Variants in PARN observed in about 807,000 individuals in gnomAD.
PARN encodes poly(A)-specific ribonuclease.
In PARN, 71 loss-of-function variants were observed where a neutral mutation model predicts 102.8. The observed-to-expected ratio is 0.69, with a 90% confidence interval of 0.57 to 0.84. PARN has a LOEUF of 0.84. Ranked by LOEUF, PARN falls within the 40% of genes least tolerant of loss-of-function variation. The pLI is 0.00. For missense variants in PARN, 782 were observed against 760.9 expected, an observed-to-expected ratio of 1.03 and a Z score of -0.33; for synonymous variants, 261 against 252.9, an observed-to-expected ratio of 1.03 and a Z score of -0.30.
intron 21 of PARN, among the ~76,000 whole-genome samples, chr16:14,544,947 G>A (rs1440800754): frequency 6.6e-6 from 1 of 152,206 alleles, no homozygotes; most frequent in Non-Finnish European, 1.5e-5. Context: ...GGCACTTTGG[G>A]AGGCTGAGGT....
chr16:14,547,125 G>A (rs1967001979), intron 21 of PARN, among the ~76,000 whole-genome samples: 1 of 151,526 alleles, frequency 6.6e-6, no homozygotes, highest in Non-Finnish European at 1.5e-5. Context: ...AAGATTTCCT[G>A]CTTGACTACT....
At chr16:14,581,529 C>A (rs1969533605) in intron 17 of PARN, among the ~76,000 whole-genome samples, 1 of 152,050 alleles carries the variant, frequency 6.6e-6, no homozygotes, top group South Asian at 2.1e-4. Context: ...TTGTGTCCCC[C>A]TAAAATTCAT....
chr16:14,609,659 CT>C (rs1302587962), intron 7 of PARN, among the ~76,000 whole-genome samples: 1 of 152,214 alleles, frequency 6.6e-6, no homozygotes, highest in Non-Finnish European at 1.5e-5. Flanking sequence ...GTGACAACTT[CT>C]CAAGGACTCG....
intron 22 of PARN, among the ~76,000 whole-genome samples, chr16:14,479,414 C>T (rs1438401968): frequency 6.6e-6 from 1 of 151,128 alleles, no homozygotes; most frequent in Admixed American, 6.6e-5. Flanking sequence ...GAGTGAGACC[C>T]CCATCTCTAT....
chr16:14,441,039 A>G (rs1567280901), intron 23 of PARN, among the ~76,000 whole-genome samples: 1 of 152,222 alleles, frequency 6.6e-6, no homozygotes, highest in Non-Finnish European at 1.5e-5. Flanking sequence ...CTGGCGCAAG[A>G]TATTAAAAAC....
At chr16:14,498,511 C>G (rs1426512606) in intron 21 of PARN, among the ~76,000 whole-genome samples, 1 of 152,156 alleles carries the variant, frequency 6.6e-6, no homozygotes, top group Non-Finnish European at 1.5e-5. Flanking sequence ...CCTCTTCCCA[C>G]CTGCTAGCCC....
intron 23 of PARN, among the ~76,000 whole-genome samples, chr16:14,441,029 C>T (rs1035981757): frequency 6.6e-5 from 10 of 152,038 alleles, no homozygotes; most frequent in African/African-American, 2.4e-4. Flanking sequence ...TGAAGCTGAC[C>T]TGGCGCAAGA....
intron 22 of PARN, among the ~76,000 whole-genome samples, chr16:14,466,642 A>G (rs1567297665): frequency 1.3e-5 from 2 of 152,226 alleles, no homozygotes; most frequent in Non-Finnish European, 2.9e-5. Context: ...AAAAGAATAC[A>G]TTACATTTCT....
chr16:14,583,188 C>A (rs938552631), intron 16 of PARN, among the ~76,000 whole-genome samples: 1 of 152,146 alleles, frequency 6.6e-6, no homozygotes, highest in African/African-American at 2.4e-5. Context: ...AGAGGAATGA[C>A]CTGCTTTAGA....
intron 12 of PARN, among the ~76,000 whole-genome samples, chr16:14,594,456 G>A (rs989693845): frequency 6.6e-6 from 1 of 152,108 alleles, no homozygotes; most frequent in Non-Finnish European, 1.5e-5. Context: ...GCTCACACCT[G>A]TTAATCCCAG....
intron 21 of PARN, 150 bp from the exon 22 acceptor site, chr16:14,482,977 C>G (rs1375773310): frequency 1.8e-6 from 1 of 568,614 alleles, no homozygotes; most frequent in Non-Finnish European, 3.0e-6. Flanking sequence ...AGACAAATGA[C>G]CTTGGGTACA....
At chr16:14,577,181 G>C (rs1969196341) in intron 18 of PARN, among the ~76,000 whole-genome samples, 1 of 152,100 alleles carries the variant, frequency 6.6e-6, no homozygotes, top group Non-Finnish European at 1.5e-5. Context: ...AGAAAAGACT[G>C]GTGTCAAAAT....
intron 21 of PARN, among the ~76,000 whole-genome samples, chr16:14,542,788 CAAAG>C (rs1355750793): frequency 2.6e-5 from 4 of 151,648 alleles, no homozygotes; most frequent in Non-Finnish European, 4.4e-5. Context: ...CTGAAGAAGA[CAAAG>C]AAACGAACAC....
chr16:14,548,518 G>A (rs146019907), intron 21 of PARN, among the ~76,000 whole-genome samples: 3 of 152,166 alleles, frequency 2.0e-5, no homozygotes, highest in African/African-American at 4.8e-5. Context: ...ACCACTTTAC[G>A]CACTAAAAAC....
At chr16:14,629,743 G>A in intron 1 of PARN, 69 bp from the exon 2 acceptor site, 1 of 1,170,954 alleles carries the variant, frequency 8.5e-7, no homozygotes, top group South Asian at 1.2e-5. Context: ...AGGGAAGGAG[G>A]GCCGAGGAGC....
At chr16:14,527,810 A>C (rs948154297) in intron 21 of PARN, among the ~76,000 whole-genome samples, 9 of 152,264 alleles carry the variant, frequency 5.9e-5, no homozygotes, top group Non-Finnish European at 8.8e-5. Context: ...TCAACAGCAA[A>C]ATCACTAATA....
In PARN at chr16:14,511,809, T is replaced by C. The variant is rs536404501; in HGVS notation, c.1481-28982A>G. The stretch of plus-strand genomic sequence containing the variant: ...TCGAACTCCTGGCCTCAAGCAATCC[T>C]CCTGCCTCAGCCTCCCAAGTAGCTG... On this transcript the variant is annotated intron_variant, in intron 21 of 23. Coordinates refer to ENST00000437198, the MANE Select transcript of PARN (RefSeq NM_002582.4). Among the ~76,000 whole-genome samples, 234 of 152,260 alleles carry C rather than the reference T, an allele frequency of 1.5e-3. 2 individuals are homozygous for C. Among genetic ancestry groups the C allele is most frequent in the African/African-American group, 5.3e-3 (220 of 41,568 alleles).
rs1038166741 is a variant in PARN at position 14,477,904 on chromosome 16, A to G, written c.1670+4734T>C. ...AGAGATGCAAAAAATATTTAACACA[A>G]TATCAGCAACCAAATCCAACAACAT... On this transcript the variant is annotated intron_variant, in intron 22 of 23. Transcript: ENST00000437198. Among the ~76,000 whole-genome samples, 5 of 152,194 alleles carry G rather than the reference A, an allele frequency of 3.3e-5. No homozygotes were observed. In the East Asian group the frequency reaches 5.8e-4, roughly 18 times the overall value.
At chr16:14,552,547 G>C (rs1223227728) in intron 20 of PARN, among the ~76,000 whole-genome samples, 4 of 152,128 alleles carry the variant, frequency 2.6e-5, no homozygotes, top group African/African-American at 9.7e-5. Flanking sequence ...CACAATCTCA[G>C]CTCACTGCAA....
Sources: gnomAD v4.1 joint callset for allele counts (sites outside exome capture counted in the v4.1 genomes callset) on GRCh38, gnomAD v4.1.1 for gene constraint, MANE v1.5 for transcripts, NCBI Gene and HGNC (gene_info 2026-07-23, HGNC 2026-07-21) for gene names.